Variants in TULP4 observed in about 807,000 individuals in gnomAD.
TULP4 encodes tubby-related protein 4.
In TULP4, 16 loss-of-function variants were observed where a neutral mutation model predicts 129.0. That is an observed-to-expected ratio of 0.12 (90% CI 0.08 to 0.19). TULP4 has a LOEUF of 0.19. TULP4 is among the 10% of genes least tolerant of loss of function. The pLI is 1.00. For missense variants in TULP4, 1,842 were observed against 2,059.1 expected, an observed-to-expected ratio of 0.89 and a Z score of 2.04; for synonymous variants, 998 against 854.0, an observed-to-expected ratio of 1.17 and a Z score of -2.94.
chr6:158,498,598 G>C, intron 11 of TULP4, 71 bp from the exon 12 acceptor site: 1 of 1,590,650 alleles, frequency 6.3e-7, no homozygotes, highest in Admixed American at 1.7e-5. Flanking sequence ...TCTTCTTCCT[G>C]TGACTCTCTT....
upstream of TULP4, among the ~76,000 whole-genome samples, chr6:158,308,416 C>T (rs1348481708): frequency 9.2e-5 from 14 of 151,910 alleles, no homozygotes; most frequent in Non-Finnish European, 1.6e-4. Flanking sequence ...TACACAGACA[C>T]GGCAACCATC....
intron 1 of TULP4, among the ~76,000 whole-genome samples, chr6:158,321,018 C>A (rs1779615448): frequency 6.6e-6 from 1 of 152,134 alleles, no homozygotes; most frequent in Non-Finnish European, 1.5e-5. Context: ...CCTCACCTCT[C>A]ATTGTTTAGA....
intron 1 of TULP4, among the ~76,000 whole-genome samples, chr6:158,264,062 C>T (rs773696525): frequency 1.3e-5 from 2 of 151,490 alleles, no homozygotes; most frequent in Non-Finnish European, 2.9e-5. Flanking sequence ...GACTCTGTCT[C>T]AAAAACAAAA....
At chr6:158,425,352 A>G (rs1366572039) in intron 2 of TULP4, among the ~76,000 whole-genome samples, 1 of 151,148 alleles carries the variant, frequency 6.6e-6, no homozygotes, top group East Asian at 2.0e-4. Context: ...CGTCTCGACT[A>G]AAAATACAAA....
At chr6:158,353,998 CT>C (rs1780584575) in intron 1 of TULP4, among the ~76,000 whole-genome samples, 2 of 152,328 alleles carry the variant, frequency 1.3e-5, no homozygotes, top group Admixed American at 6.5e-5. Flanking sequence ...GCCCCAGAGT[CT>C]TCGGGGAGCA....
Position 158,380,894 on chromosome 6 carries a change from C to CAAAA in TULP4, c.253-32156_253-32153dup, listed in dbSNP as rs1227720723. Among the ~76,000 whole-genome samples the CAAAA allele has an allele frequency of 1.5e-3, 109 of 72,238 alleles. 2 individuals carry two copies. Among genetic ancestry groups the CAAAA allele is most frequent in the Middle Eastern group, 8.9e-3 (1 of 112 alleles). 47.4% of individuals were successfully genotyped at this position (72,238 alleles called of 152,430 possible). A position where few individuals can be genotyped will look rare whatever the true frequency, so the allele number is the denominator to read the frequency against. On this transcript the variant is annotated intron_variant, in intron 1 of 13. Transcript: ENST00000367097. Reference sequence around the variant, plus strand: ...GGGCGACAGAGCAAGACTCTGTCTCCAAAAAAAAAAAAAAAAAAGAAGAAG... The same window carrying CAAAA: ...GGGCGACAGAGCAAGACTCTGTCTCCAAAAAAAAAAAAAAAAAAAAAAGAAGAAG...
chr6:158,471,197 T>C (rs1779673624), intron 6 of TULP4, among the ~76,000 whole-genome samples: 1 of 137,798 alleles, frequency 7.3e-6, no homozygotes, highest in Non-Finnish European at 1.5e-5. Context: ...TACAGGACAA[T>C]GCCTGTCTTC....
intron 1 of TULP4, among the ~76,000 whole-genome samples, chr6:158,364,228 G>A (rs1780869071): frequency 6.6e-6 from 1 of 152,292 alleles, no homozygotes; most frequent in South Asian, 2.1e-4. Context: ...CTAACTAGAA[G>A]TTAAAATATG....
chr6:158,277,217 A>C (rs1778663334), intron 1 of TULP4, among the ~76,000 whole-genome samples: 3 of 152,206 alleles, frequency 2.0e-5, no homozygotes, highest in Non-Finnish European at 4.4e-5. Flanking sequence ...CTGGGATTAC[A>C]GGCGTGAGCC....
intron 6 of TULP4, among the ~76,000 whole-genome samples, chr6:158,471,334 C>T (rs967379355): frequency 6.6e-5 from 10 of 152,278 alleles, no homozygotes; most frequent in Admixed American, 6.5e-4. Context: ...TCACTGTAAT[C>T]CTAGAGTCAG....
At chr6:158,476,116 A>G (rs1257542782) in intron 6 of TULP4, among the ~76,000 whole-genome samples, 1 of 152,222 alleles carries the variant, frequency 6.6e-6, no homozygotes, top group African/African-American at 2.4e-5. Flanking sequence ...GCACAGCCTT[A>G]AAATTATTAT....
At chr6:158,371,449 A>T (rs1407904366) in intron 1 of TULP4, among the ~76,000 whole-genome samples, 1 of 152,154 alleles carries the variant, frequency 6.6e-6, no homozygotes, top group East Asian at 1.9e-4. Flanking sequence ...ATCCCAACTG[A>T]TACAGGGTGA....
At chr6:158,430,480 C>T (rs1402854584) in intron 3 of TULP4, among the ~76,000 whole-genome samples, 7 of 152,246 alleles carry the variant, frequency 4.6e-5, no homozygotes, top group Non-Finnish European at 1.5e-5. Flanking sequence ...CGGTGGCTCA[C>T]GCCTGTAATC....
intron 1 of TULP4, among the ~76,000 whole-genome samples, chr6:158,251,936 T>G (rs961453966): frequency 1.3e-5 from 2 of 152,234 alleles, no homozygotes; most frequent in African/African-American, 2.4e-5. Context: ...ATAGTCAGAT[T>G]AAACAGAGGT....
At chr6:158,239,592 ACC>A (rs1287751045) in intron 1 of TULP4, among the ~76,000 whole-genome samples, 1 of 28,180 alleles carries the variant, frequency 3.5e-5, no homozygotes, top group Non-Finnish European at 7.2e-5. Flanking sequence ...AGGGGGGCTG[ACC>A]CCCCCCACCT....
Position 158,452,742 on chromosome 6 carries a change from C to T in TULP4, c.859+474C>T, listed in dbSNP as rs1041041288. 3.4e-4 allele frequency among the ~76,000 whole-genome samples: 52 copies of T among 152,340 alleles called. 1 individual carries two copies. The highest frequency in any genetic ancestry group is 5.4e-4 in the Non-Finnish European group (37 of 68,030). ...TTACCTTGAAAGACTTGTGGAGGTT[C>T]TGCAATTACTAGACTGAGGCATTGT... is the stretch of plus-strand genomic sequence containing the variant. On this transcript the variant is annotated intron_variant, in intron 5 of 13. Coordinates refer to ENST00000367097, the MANE Select transcript of TULP4 (RefSeq NM_020245.5).
chr6:158,282,594 G>A (rs901009434), intron 1 of TULP4, among the ~76,000 whole-genome samples: 1 of 150,706 alleles, frequency 6.6e-6, no homozygotes. Context: ...GAACGGCTAC[G>A]AGATTTAAAT....
intron 1 of TULP4, among the ~76,000 whole-genome samples, chr6:158,274,649 C>G (rs553480733): frequency 6.6e-6 from 1 of 152,090 alleles, no homozygotes; most frequent in African/African-American, 2.4e-5. Context: ...TGGTGGCGGG[C>G]GCCTGTAGTC....
At chr6:158,316,780 C>T (rs1034197427) in intron 1 of TULP4, among the ~76,000 whole-genome samples, 15 of 152,170 alleles carry the variant, frequency 9.9e-5, no homozygotes, top group African/African-American at 3.6e-4. Flanking sequence ...ACTGCTAGCT[C>T]CTCTGAGGCT....
Sources: allele counts gnomAD v4.1 joint callset (sites outside exome capture counted in the v4.1 genomes callset), GRCh38; gene constraint gnomAD v4.1.1; transcripts MANE v1.5; gene names NCBI Gene and HGNC (gene_info 2026-07-23, HGNC 2026-07-21).